CHRM3: variants seen among roughly 807,000 people sequenced by gnomAD.
The protein encoded by CHRM3 is muscarinic acetylcholine receptor M3.
Under a neutral mutation model 41.8 loss-of-function variants are expected in CHRM3, and 11 were observed. The observed-to-expected ratio is 0.26, with a 90% CI of 0.17 to 0.44. The LOEUF (loss-of-function observed/expected upper bound fraction) is 0.44, where lower values mean the gene tolerates loss of function less well. CHRM3 is among the 20% of genes least tolerant of loss of function. The pLI is 1.00. For missense variants in CHRM3, 571 were observed against 745.4 expected (o/e 0.77, Z 2.72); for synonymous variants, 297 against 301.4 (o/e 0.99, Z 0.15).
chr1:239,834,236 G>A (rs1673121237), intron 6 of CHRM3, among the ~76,000 whole-genome samples: 1 of 145,596 alleles, frequency 6.9e-6, no homozygotes, highest in South Asian at 2.2e-4. Flanking sequence ...AAAAAGCAAA[G>A]TAGTACATGT....
rs953163529 is a variant in CHRM3 at position 239,908,882 on chromosome 1, G to C, written c.1431G>C (p.Lys477Asn). ...FALKTRSQIT[K>N]RKRMSLVKEK... Reference sequence around the variant, plus strand: ...TGAAGACCAGAAGTCAGATCACTAAGCGGAAAAGGATGTCCCTGGTCAAGG... The same window carrying C: ...TGAAGACCAGAAGTCAGATCACTAACCGGAAAAGGATGTCCCTGGTCAAGG... The change falls in exon 7 of 7, where the codon AAG becomes AAC. Residue 477 changes from lysine to asparagine, a missense_variant. Physicochemically the swap from Lys to Asn is moderately conservative, Grantham distance 94. This residue lies in a region of CHRM3 where 239 missense variants were observed against 239.6 expected (regional missense o/e 1.00). Coordinates refer to ENST00000676153, the MANE Select transcript of CHRM3 (RefSeq NM_001375978.1). The surrounding 1 kb of genome is among the most constrained non-coding windows in gnomAD (Gnocchi z 7.2). 1 of 1,614,112 alleles carries C rather than the reference G, an allele frequency of 6.2e-7. No individual in the cohort carries two copies. The highest frequency in any genetic ancestry group is 1.7e-5 in the Admixed American group (1 of 60,020).
At chr1:239,905,530 A>G (rs1249551943) in intron 6 of CHRM3, among the ~76,000 whole-genome samples, 4 of 152,016 alleles carry the variant, frequency 2.6e-5, no homozygotes, top group Non-Finnish European at 5.9e-5. Context: ...ACATGGTGAA[A>G]CCCCATCTCT....
rs552241982 is a variant in CHRM3 at position 239,646,676 on chromosome 1, A to G, written c.-250+14390A>G. Among the ~76,000 whole-genome samples the G allele has an allele frequency of 2.0e-5, 3 of 152,262 alleles. No homozygotes were observed. In the East Asian group the frequency reaches 5.8e-4, roughly 29 times the overall value. On this transcript the variant is annotated intron_variant, in intron 4 of 6. Transcript: ENST00000676153. ...GGGTAGGAATTTGAATGCAAGTGAT[A>G]GCTTCAGAGTTGTGACGTGTGTGGA...
intron 5 of CHRM3, chr1:239,714,280 G>A (rs1162642095): frequency 6.6e-6 from 1 of 152,174 alleles, no homozygotes; most frequent in Non-Finnish European, 1.5e-5. Flanking sequence ...GAGAGAAACA[G>A]GTGTTAGCAA....
intron 5 of CHRM3, among the ~76,000 whole-genome samples, chr1:239,736,256 A>G (rs1006064577): frequency 6.6e-6 from 1 of 152,110 alleles, no homozygotes; most frequent in Non-Finnish European, 1.5e-5. Flanking sequence ...CCCAAAGCCT[A>G]TGAGCCAGAC....
At chr1:239,860,842 A>G (rs1279860608) in intron 6 of CHRM3, among the ~76,000 whole-genome samples, 1 of 152,204 alleles carries the variant, frequency 6.6e-6, no homozygotes, top group Non-Finnish European at 1.5e-5. Flanking sequence ...AGTGCCAAAT[A>G]TACCAGTAGT....
chr1:239,907,554 A>T lies in CHRM3; in HGVS notation c.103A>T (p.Thr35Ser). 6.2e-7 allele frequency: 1 copy of T among 1,613,954 alleles called. No individual in the cohort carries two copies. Among genetic ancestry groups the T allele is most frequent in the Non-Finnish European group, 8.5e-7 (1 of 1,179,990 alleles). Residue 35 changes from threonine to serine, a missense_variant, in exon 7 of 7, where the codon ACT becomes TCT. Physicochemically the swap from Thr to Ser is moderately conservative, Grantham distance 58. Around this residue, in one of 5 missense-constraint regions of CHRM3, gnomAD observed 92 missense variants for 76.1 expected, o/e 1.21. Transcript: ENST00000676153. This position sits in a 1 kb window ranked among gnomAD's most constrained non-coding sequence, Gnocchi z 5.4. ...TGCAGGGCTGCCCCCGGGAACCGTC[A>T]CTCATTTCGGCAGCTACAATGTTTC... ...SDAGLPPGTV[T>S]HFGSYNVSRA...
chr1:239,631,224 A>G (rs550050209), intron 3 of CHRM3, among the ~76,000 whole-genome samples: 7 of 152,306 alleles, frequency 4.6e-5, no homozygotes, highest in East Asian at 3.9e-4. Flanking sequence ...TACATATCCA[A>G]TTGCTGTAAA....
At position 239,740,883 on chromosome 1, in the gene CHRM3, A is replaced by G. The variant is rs112169294; in HGVS notation, c.-147+62595A>G. 3.7e-3 allele frequency among the ~76,000 whole-genome samples: 563 copies of G among 152,330 alleles called. 6 individuals carry two copies. The highest frequency in any genetic ancestry group is 0.013 in the African/African-American group (528 of 41,574). On this transcript the variant is annotated intron_variant, in intron 5 of 6. Transcript: ENST00000676153. Reference sequence around the variant, plus strand: ...ACTGTTGGAGGGTGTTTTTATAAACATGCACTGAGGTGAGGGTGAAGGTTA... The same window carrying G: ...ACTGTTGGAGGGTGTTTTTATAAACGTGCACTGAGGTGAGGGTGAAGGTTA...
chr1:239,483,544 C>T (rs768107361), intron 1 of CHRM3, among the ~76,000 whole-genome samples: 2 of 152,216 alleles, frequency 1.3e-5, no homozygotes, highest in Non-Finnish European at 2.9e-5. Flanking sequence ...AAGGCTTTTT[C>T]AACTGTGAAA....
chr1:239,732,867 CTCATTTAGATAAGTATATCTAATA>C (rs1553376053), intron 5 of CHRM3, among the ~76,000 whole-genome samples: 1 of 146,114 alleles, frequency 6.8e-6, no homozygotes, highest in Middle Eastern at 4.0e-3. Context: ...TACCTAATAT[CTCATTTAGATAAGTATATCTAATA>C]TCACTTAGAT....
intron 4 of CHRM3, among the ~76,000 whole-genome samples, chr1:239,670,209 G>A (rs114779445): frequency 0.023 from 3,486 of 152,058 alleles, 145 homozygotes; most frequent in African/African-American, 0.08. Context: ...TCACCATCAC[G>A]CCAAGTTCTC....
At chr1:239,590,127 T>G (rs2148631968) in intron 3 of CHRM3, among the ~76,000 whole-genome samples, 1 of 152,286 alleles carries the variant, frequency 6.6e-6, no homozygotes, top group South Asian at 2.1e-4. Context: ...ATCTAGTCTG[T>G]CTCCTTTCTT....
At chr1:239,893,482 G>A (rs1033523691) in intron 6 of CHRM3, among the ~76,000 whole-genome samples, 16 of 152,192 alleles carry the variant, frequency 1.1e-4, no homozygotes, top group Non-Finnish European at 1.5e-4. Flanking sequence ...ACAGTTAGCC[G>A]TGTGACTTGG....
chr1:239,605,733 A>T (rs1666165672), intron 3 of CHRM3, among the ~76,000 whole-genome samples: 1 of 152,198 alleles, frequency 6.6e-6, no homozygotes. Flanking sequence ...TCCTCCATCA[A>T]GATATTTAAG....
intron 5 of CHRM3, among the ~76,000 whole-genome samples, chr1:239,683,869 T>G (rs1658814127): frequency 6.6e-6 from 1 of 152,216 alleles, no homozygotes; most frequent in Non-Finnish European, 1.5e-5. Context: ...ATGCTATATA[T>G]TGCTTCACTT....
chr1:239,761,016 T>A (rs1666720637), intron 5 of CHRM3, among the ~76,000 whole-genome samples: 1 of 152,212 alleles, frequency 6.6e-6, no homozygotes, highest in African/African-American at 2.4e-5. Context: ...CCAATTATCT[T>A]TTTATTTAGC....
intron 1 of CHRM3, among the ~76,000 whole-genome samples, chr1:239,424,063 A>G (rs529590024): frequency 1.3e-5 from 2 of 151,706 alleles, no homozygotes; most frequent in Admixed American, 6.6e-5. Context: ...TCAAAAAAAA[A>G]AAAAAAAAGA....
intron 1 of CHRM3, among the ~76,000 whole-genome samples, chr1:239,451,940 AT>A (rs1450458969): frequency 6.6e-6 from 1 of 152,178 alleles, no homozygotes; most frequent in Non-Finnish European, 1.5e-5. Flanking sequence ...TAAATAAAAA[AT>A]ATGCACTTTA....
Sources: gnomAD v4.1 joint callset for allele counts (sites outside exome capture counted in the v4.1 genomes callset) on GRCh38, gnomAD v4.1.1 for gene constraint, gnomAD v4.1.1 regional missense constraint, Gnocchi (gnomAD v3.1) non-coding constraint, MANE v1.5 for transcripts, NCBI Gene and HGNC (gene_info 2026-07-23, HGNC 2026-07-21) for gene names.